Variants in PHF13 observed in about 807,000 individuals in gnomAD.
PHF13 encodes the protein PHD zinc finger protein PHF5.
Under a neutral mutation model 25.8 loss-of-function variants are expected in PHF13, and 1 was observed. The ratio of observed to expected loss-of-function variants is 0.04; its 90% CI spans 0.01 to 0.18. PHF13 has a LOEUF of 0.18. PHF13 is among the 10% of genes least tolerant of loss of function. The pLI is 1.00. For synonymous variants in PHF13, 195 were observed against 162.4 expected, an observed-to-expected ratio of 1.20 and a Z score of -1.53; for missense variants, 306 against 403.2, an observed-to-expected ratio of 0.76 and a Z score of 2.06.
chr1:6,618,009 G>A (rs1341703556), intron 2 of PHF13, among the ~76,000 whole-genome samples: 2 of 152,230 alleles, frequency 1.3e-5, no homozygotes, highest in Non-Finnish European at 2.9e-5. Context: ...GGGACTCATG[G>A]CTGCAACTTG....
intron 2 of PHF13, among the ~76,000 whole-genome samples, chr1:6,619,543 T>G (rs1419693728): frequency 2.0e-5 from 3 of 152,188 alleles, no homozygotes; most frequent in African/African-American, 7.2e-5. Context: ...TTCACCATGT[T>G]GGCCAGGTTG....
rs1022805654 is a variant in PHF13, at chr1:6,614,116, C to G, written c.39+11C>G. ...GCCTTCCACCCGGAGGTGAGTGAAG[C>G]TGTGCGTCCGAATCGCCCCCGACCA... On this transcript the variant is annotated intron_variant, in intron 1 of 3. Transcript: ENST00000377648. 1 of 1,597,418 alleles carries G rather than the reference C, an allele frequency of 6.3e-7. No homozygotes were observed. The highest frequency in any genetic ancestry group is 8.5e-7 in the Non-Finnish European group (1 of 1,173,582).
chr1:6,617,476 C>T (rs112525331), intron 2 of PHF13, among the ~76,000 whole-genome samples: 2,718 of 152,258 alleles, frequency 0.018, 39 homozygotes, highest in East Asian at 0.036. Context: ...CTGGCTCTGT[C>T]GCCCAGGCTG....
rs1424753310 is a variant in PHF13, at chr1:6,621,935, G to A, written c.*298G>A. On this transcript the variant is annotated 3_prime_UTR_variant, in exon 4 of 4. Transcript: ENST00000377648. This position sits in a 1 kb window ranked among gnomAD's most constrained non-coding sequence, Gnocchi z 4.8. ...AAATGAGGGTCCGTGGTAGCTGTGC[G>A]TTTTGCTATCATTGCTAAGAGATTC... The A allele has an allele frequency of 1.3e-5, 6 of 464,862 alleles. No homozygotes were observed. Among genetic ancestry groups the A allele is most frequent in the Admixed American group, 3.4e-5 (1 of 29,694 alleles). The allele number at this position is 464,862 out of a possible 1,614,324, so 28.8% of individuals were successfully genotyped here. A position where few individuals can be genotyped will look rare whatever the true frequency, so the allele number is the denominator to read the frequency against.
At chr1:6,614,448 A>C (rs2148708536) in intron 1 of PHF13, 2 of 251,820 alleles carry the variant, frequency 7.9e-6, no homozygotes, top group South Asian at 6.3e-5. Flanking sequence ...CGGCCTGCTT[A>C]CTCTTTCCCC....
At position 6,614,066 on chromosome 1, in the gene PHF13, C is replaced by G; in HGVS notation, c.-1C>G. Reference sequence around the variant, plus strand: ...AGCCGCCGCCGCCCCCCGCCCGGAACATGGACTCTGACTCTTGCGCCGCCG... The same window carrying G: ...AGCCGCCGCCGCCCCCCGCCCGGAAGATGGACTCTGACTCTTGCGCCGCCG... On this transcript the variant is annotated 5_prime_UTR_variant, in exon 1 of 4. Coordinates refer to ENST00000377648, the MANE Select transcript of PHF13 (RefSeq NM_153812.3). 5 of 1,595,140 alleles carry G rather than the reference C, an allele frequency of 3.1e-6. No homozygotes were observed. Among genetic ancestry groups the G allele is most frequent in the Non-Finnish European group, 4.3e-6 (5 of 1,172,654 alleles).
rs756739296 is a variant in PHF13 at position 6,614,087 on chromosome 1, C to T, written c.21C>T (p.Ala7=). 13 of 1,600,488 alleles carry T rather than the reference C, an allele frequency of 8.1e-6. No individual in the cohort carries two copies. The African/African-American group carries it at 1.4e-4, about 17-fold the overall frequency. The part of the protein sequence containing the change: MDSDSC[A]AAFHPEEYSP... Reference sequence around the variant, plus strand: ...GGAACATGGACTCTGACTCTTGCGCCGCCGCCTTCCACCCGGAGGTGAGTG... The same window carrying T: ...GGAACATGGACTCTGACTCTTGCGCTGCCGCCTTCCACCCGGAGGTGAGTG... Residue 7 remains alanine (A), a synonymous_variant, in exon 1 of 4, where the codon GCC becomes GCT. Transcript: ENST00000377648.
chr1:6,614,486 G>A (rs1250390144), intron 1 of PHF13: 1 of 217,650 alleles, frequency 4.6e-6, no homozygotes, highest in Non-Finnish European at 9.0e-6. Context: ...CCGAGCCGCC[G>A]CCCGCCCCTG....
chr1:6,621,727 C>CTGAGGGT lies in PHF13; in HGVS notation c.*91_*92insGAGGGTT. The CTGAGGGT allele has an allele frequency of 2.3e-6, 3 of 1,318,012 alleles. No individual in the cohort carries two copies. Among genetic ancestry groups the CTGAGGGT allele is most frequent in the Non-Finnish European group, 3.2e-6 (3 of 935,616 alleles). 81.6% of individuals were successfully genotyped at this position (1,318,012 alleles called of 1,614,324 possible). A position where few individuals can be genotyped will look rare whatever the true frequency, so the allele number is the denominator to read the frequency against. On this transcript the variant is annotated 3_prime_UTR_variant, in exon 4 of 4. Transcript: ENST00000377648. This position sits in a 1 kb window ranked among gnomAD's most constrained non-coding sequence, Gnocchi z 4.8. ...TCTTAGTTGAGCACAGAACCCTCAG[C>CTGAGGGT]TCTGGTGCGGGCAGATCCCTGCCAT...
At chr1:6,615,981 C>T (rs957678426) in intron 1 of PHF13, among the ~76,000 whole-genome samples, 3 of 149,818 alleles carry the variant, frequency 2.0e-5, no homozygotes, top group Non-Finnish European at 4.4e-5. Flanking sequence ...CAGGAGTGAA[C>T]TCCAGGGTCC....
intron 1 of PHF13, among the ~76,000 whole-genome samples, chr1:6,615,048 CG>C (rs1329527243): frequency 7.8e-6 from 1 of 128,618 alleles, no homozygotes; most frequent in Non-Finnish European, 1.7e-5. Context: ...CCCGCACCTT[CG>C]GGGGCCGAGT....
At chr1:6,620,986 C>T (rs531266717) in intron 3 of PHF13, among the ~76,000 whole-genome samples, 5 of 150,234 alleles carry the variant, frequency 3.3e-5, no homozygotes, top group East Asian at 2.0e-4. Flanking sequence ...GAGCCAAGAT[C>T]GCGCCATTGC....
Position 6,613,733 on chromosome 1 carries a change from C to A in PHF13, c.-334C>A. On this transcript the variant is annotated 5_prime_UTR_variant, in exon 1 of 4. Coordinates refer to ENST00000377648, the MANE Select transcript of PHF13 (RefSeq NM_153812.3). ...CCGACAGGCCTCCCGGCTCTCCCGC[C>A]CTCCCTCCCGAGACACGAGCCGAAC... The A allele has an allele frequency of 4.6e-6, 1 of 216,266 alleles. No homozygotes were observed. Among genetic ancestry groups the A allele is most frequent in the South Asian group, 4.8e-5 (1 of 20,810 alleles). 13.4% of individuals were successfully genotyped at this position (216,266 alleles called of 1,614,324 possible). A position where few individuals can be genotyped will look rare whatever the true frequency, so the allele number is the denominator to read the frequency against.
At chr1:6,618,236 G>A (rs1188076762) in intron 2 of PHF13, among the ~76,000 whole-genome samples, 1 of 152,074 alleles carries the variant, frequency 6.6e-6, no homozygotes, top group Non-Finnish European at 1.5e-5. Context: ...CTGTGCTGAA[G>A]TGATCCTCCC....
Position 6,616,926 on chromosome 1 carries a change from G to A in PHF13, c.141+68G>A, listed in dbSNP as rs1641270139. On this transcript the variant is annotated intron_variant, in intron 2 of 3. Transcript: ENST00000377648. ...AACCCAGTGCCTCCACCGCAAGTTC[G>A]TGGGCTTCTGACTGGTCAGAGGGTC... is the stretch of plus-strand genomic sequence containing the variant. 2.9e-6 allele frequency: 4 copies of A among 1,386,780 alleles called. No individual in the cohort carries two copies. The South Asian group carries it at 4.7e-5, about 16-fold the overall frequency. The allele number at this position is 1,386,780 out of a possible 1,614,324, so 85.9% of individuals were successfully genotyped here. A position where few individuals can be genotyped will look rare whatever the true frequency, so the allele number is the denominator to read the frequency against.
At chr1:6,615,748 T>C (rs891269116) in intron 1 of PHF13, among the ~76,000 whole-genome samples, 11 of 152,326 alleles carry the variant, frequency 7.2e-5, no homozygotes, top group East Asian at 3.9e-4. Flanking sequence ...GGAGAAAATA[T>C]CTTTTTGTGA....
In PHF13 at chr1:6,613,983, G is replaced by GCCCGAGC; in HGVS notation, c.-80_-74dup. Reference sequence around the variant, plus strand: ...GGGTCCGCCCTCGCCCTGCGCAGCCGCCCGAGCCCCCAGCCCCGGGCGGCC... The same window carrying GCCCGAGC: ...GGGTCCGCCCTCGCCCTGCGCAGCCGCCCGAGCCCCGAGCCCCCAGCCCCGGGCGGCC... On this transcript the variant is annotated 5_prime_UTR_variant, in exon 1 of 4. Transcript: ENST00000377648. 2 of 1,001,586 alleles carry GCCCGAGC rather than the reference G, an allele frequency of 2.0e-6. No homozygotes were observed. The highest frequency in any genetic ancestry group is 5.4e-4 in the Middle Eastern group (2 of 3,672). 62.0% of individuals were successfully genotyped at this position (1,001,586 alleles called of 1,614,324 possible). A position where few individuals can be genotyped will look rare whatever the true frequency, so the allele number is the denominator to read the frequency against.
rs1641336490 is a variant in PHF13, at chr1:6,621,317, C to CAGA, written c.677-94_677-93insAGA. ...TTCGAGTGGCAGTTGGAAGTGTTCTCGTCAGTAGAGTTAATGGGTTTCATG... is the reference window on the plus strand; with the variant it reads ...TTCGAGTGGCAGTTGGAAGTGTTCTCAGAGTCAGTAGAGTTAATGGGTTTCATG... On this transcript the variant is annotated intron_variant, in intron 3 of 3. Transcript: ENST00000377648. The surrounding 1 kb of genome is among the most constrained non-coding windows in gnomAD (Gnocchi z 4.8). The CAGA allele has an allele frequency of 7.5e-7, 1 of 1,335,056 alleles. No homozygotes were observed. The highest frequency in any genetic ancestry group is 1.1e-6 in the Non-Finnish European group (1 of 949,512). The allele number at this position is 1,335,056 out of a possible 1,614,324, so 82.7% of individuals were successfully genotyped here.
intron 1 of PHF13, among the ~76,000 whole-genome samples, chr1:6,616,457 AATAG>A (rs764364097): frequency 7.9e-5 from 12 of 152,248 alleles, no homozygotes; most frequent in South Asian, 4.1e-4. Flanking sequence ...TGTGGAAACT[AATAG>A]ATAAAGTCAG....
Sources: gnomAD v4.1 joint callset for allele counts (sites outside exome capture counted in the v4.1 genomes callset) on GRCh38, gnomAD v4.1.1 for gene constraint, Gnocchi (gnomAD v3.1) non-coding constraint, MANE v1.5 for transcripts, NCBI Gene and HGNC (gene_info 2026-07-23, HGNC 2026-07-21) for gene names.